KRT26: variants seen among roughly 807,000 people sequenced by gnomAD.
KRT26 encodes keratin 26, also known as keratin, type I cytoskeletal 26.
KRT26 carries 45 observed loss-of-function variants against 46.1 expected under a neutral mutation model. The observed-to-expected ratio is 0.98, with a 90% CI of 0.77 to 1.25. The LOEUF (loss-of-function observed/expected upper bound fraction) is 1.25, where lower values mean the gene tolerates loss of function less well. Ranked by LOEUF, KRT26 falls within the 50% of genes most tolerant of loss-of-function variation. The pLI is 0.00. For missense variants in KRT26, 582 were observed against 560.1 expected, an observed-to-expected ratio of 1.04 and a Z score of -0.39; for synonymous variants, 191 against 209.9, an observed-to-expected ratio of 0.91 and a Z score of 0.78.
chr17:40,767,003 G>A (rs981529786), intron 7 of KRT26, among the ~76,000 whole-genome samples: 1 of 152,218 alleles, frequency 6.6e-6, no homozygotes, highest in Non-Finnish European at 1.5e-5. Context: ...GCCTCCCAAA[G>A]TGCTGGGATT....
At chr17:40,767,460 CT>C (rs1221183851) in intron 7 of KRT26, 125 bp downstream of exon 7, 1 of 519,840 alleles carries the variant, frequency 1.9e-6, no homozygotes, top group African/African-American at 2.0e-5. Flanking sequence ...ATAATGACCC[CT>C]CATCCCTTTA....
chr17:40,766,527 A>C, exon 8 of KRT26: 1 of 1,606,396 alleles, frequency 6.2e-7, no homozygotes, highest in Non-Finnish European at 8.5e-7. Flanking sequence ...ATGGTGCTTT[A>C]GAAGGTACTC....
At chr17:40,769,453 G>A (rs1252042804) in intron 5 of KRT26, among the ~76,000 whole-genome samples, 1 of 152,030 alleles carries the variant, frequency 6.6e-6, no homozygotes, top group African/African-American at 2.4e-5. Flanking sequence ...CACTGTGCTT[G>A]GCCGGCATGG....
At chr17:40,771,188 T>C (rs1055802305) in exon 2 of KRT26, 8 of 1,608,476 alleles carry the variant, frequency 5.0e-6, no homozygotes, top group Non-Finnish European at 6.0e-6. Flanking sequence ...AGTCTGGCAT[T>C]GTCATTTTGT....
intron 6 of KRT26, 26 bp from the exon 7 acceptor site, chr17:40,767,679 C>CT: frequency 7.0e-7 from 1 of 1,427,728 alleles, no homozygotes; most frequent in Non-Finnish European, 9.7e-7. Flanking sequence ...TAAATTATTG[C>CT]ATTTTTTTTT....
chr17:40,770,884 G>T (rs1174022102), intron 2 of KRT26, among the ~76,000 whole-genome samples: 2 of 152,004 alleles, frequency 1.3e-5, no homozygotes, highest in African/African-American at 2.4e-5. Context: ...TAGAGACGGG[G>T]TCTTGCCACA....
At chr17:40,770,255 C>T in exon 3 of KRT26, 1 of 1,614,146 alleles carries the variant, frequency 6.2e-7, no homozygotes, top group Non-Finnish European at 8.5e-7. Context: ...TTCCTTACCT[C>T]CTCATGACTT....
At chr17:40,768,857 T>G in intron 6 of KRT26, 22 bp downstream of exon 6, 1 of 1,368,230 alleles carries the variant, frequency 7.3e-7, no homozygotes, top group Non-Finnish European at 1.0e-6. Flanking sequence ...GTTTTTTTTT[T>G]TTTTTGCAAG....
At chr17:40,770,299 T>C in exon 3 of KRT26, 2 of 1,614,156 alleles carry the variant, frequency 1.2e-6, no homozygotes, top group Non-Finnish European at 1.7e-6. Context: ...ACTGAGGGTC[T>C]CACACTGTAT....
At chr17:40,771,361 A>G (rs2038219917) in intron 1 of KRT26, 125 bp from the exon 2 acceptor site, 1 of 610,694 alleles carries the variant, frequency 1.6e-6, no homozygotes, top group East Asian at 2.8e-5. Flanking sequence ...TCTATGTTAA[A>G]GAAATCTGGA....
At chr17:40,768,811 C>A in intron 6 of KRT26, 68 bp downstream of exon 6, 1 of 783,880 alleles carries the variant, frequency 1.3e-6, no homozygotes, top group Non-Finnish European at 2.0e-6. Context: ...GCAATATTGG[C>A]ATACCTATAC....
At chr17:40,769,186 T>C in intron 5 of KRT26, 90 bp from the exon 6 acceptor site, 1 of 807,708 alleles carries the variant, frequency 1.2e-6, no homozygotes, top group Non-Finnish European at 1.9e-6. Context: ...TGAGACTGTG[T>C]CTTGCTCTGT....
intron 1 of KRT26, 36 bp from the exon 2 acceptor site, chr17:40,771,272 A>G (rs964706105): frequency 2.5e-6 from 3 of 1,214,596 alleles, no homozygotes; most frequent in Admixed American, 1.8e-5. Flanking sequence ...GTTAATTACC[A>G]AAAGTCAAAG....
exon 6 of KRT26, chr17:40,769,017 C>T: frequency 1.9e-6 from 3 of 1,613,986 alleles, no homozygotes; most frequent in Non-Finnish European, 2.5e-6. Context: ...CTCCATCACC[C>T]CTATCTGATC....
At chr17:40,768,546 GAA>G (rs1308363666) in intron 6 of KRT26, among the ~76,000 whole-genome samples, 1 of 152,110 alleles carries the variant, frequency 6.6e-6, no homozygotes, top group Non-Finnish European at 1.5e-5. Context: ...GAAGTGATAA[GAA>G]AAGAGAATGA....
At chr17:40,771,728 T>C in exon 1 of KRT26, 1 of 1,614,236 alleles carries the variant, frequency 6.2e-7, no homozygotes, top group Non-Finnish European at 8.5e-7. Context: ...ATGATCGTGT[T>C]CCCGGGAAGA....
chr17:40,769,475 A>G (rs2038200445), intron 5 of KRT26, among the ~76,000 whole-genome samples: 1 of 152,142 alleles, frequency 6.6e-6, no homozygotes, highest in Non-Finnish European at 1.5e-5. Context: ...CATATTTTAA[A>G]TATTCTCAAG....
chr17:40,768,788 G>T, intron 6 of KRT26, 91 bp downstream of exon 6: 1 of 652,616 alleles, frequency 1.5e-6, no homozygotes, highest in South Asian at 2.2e-5. Flanking sequence ...TCCAGAGTAG[G>T]AAATTCTAGG....
chr17:40,772,155 C>G, exon 1 of KRT26: 1 of 1,562,298 alleles, frequency 6.4e-7, no homozygotes, highest in Non-Finnish European at 8.8e-7. Context: ...GAAAGAGGAG[C>G]AAAGCCAGGG....
Sources: gnomAD v4.1 joint callset for allele counts (sites outside exome capture counted in the v4.1 genomes callset) on GRCh38, gnomAD v4.1.1 for gene constraint, MANE v1.5 for transcripts, NCBI Gene and HGNC (gene_info 2026-07-23, HGNC 2026-07-21) for gene names.